CCSER1: variants seen among roughly 807,000 people sequenced by gnomAD.
CCSER1 encodes the protein serine-rich coiled-coil domain-containing protein 1.
CCSER1 carries 41 observed loss-of-function variants against 82.0 expected under a neutral mutation model. The observed-to-expected ratio is 0.50, with a 90% CI of 0.39 to 0.65. The LOEUF is 0.65. CCSER1 is among the 30% of genes least tolerant of loss of function. CCSER1 has a pLI of 0.00. For synonymous variants in CCSER1, 414 were observed against 383.9 expected, an observed-to-expected ratio of 1.08 and a Z score of -0.92; for missense variants, 1,119 against 1,064.2, an observed-to-expected ratio of 1.05 and a Z score of -0.72.
chr4:90,811,985 T>A (rs979482937), intron 7 of CCSER1, among the ~76,000 whole-genome samples: 57 of 133,044 alleles, frequency 4.3e-4, no homozygotes, highest in African/African-American at 1.7e-3. Flanking sequence ...TATATATATA[T>A]ATATAAACAC....
Position 90,849,889 on chromosome 4 carries a change from A to G in CCSER1, c.2094+34044A>G, listed in dbSNP as rs539317681. Among the ~76,000 whole-genome samples, 5 of 152,190 alleles carry G rather than the reference A, an allele frequency of 3.3e-5. No homozygotes were observed. In the South Asian group the frequency reaches 1.0e-3, roughly 32 times the overall value. On this transcript the variant is annotated intron_variant, in intron 8 of 10. Transcript: ENST00000509176. ...GGAGGTGAATGTTAATCACCAAGAC[A>G]GTGGGGAAAATGTCCCCAGGGCATG...
chr4:90,239,127 T>G (rs1263344215), intron 1 of CCSER1, among the ~76,000 whole-genome samples: 1 of 152,138 alleles, frequency 6.6e-6, no homozygotes, highest in African/African-American at 2.4e-5. Context: ...TTGGGACAGG[T>G]GTGAGCCACC....
At chr4:91,501,570 C>T (rs1351131142) in intron 10 of CCSER1, among the ~76,000 whole-genome samples, 2 of 151,932 alleles carry the variant, frequency 1.3e-5, no homozygotes, top group Non-Finnish European at 1.5e-5. Context: ...TTCACTTATT[C>T]CTTATGTTTA....
intron 9 of CCSER1, among the ~76,000 whole-genome samples, chr4:91,056,827 A>C (rs1743492918): frequency 6.6e-6 from 1 of 152,138 alleles, no homozygotes; most frequent in Admixed American, 6.5e-5. Flanking sequence ...ATTTCTTCCA[A>C]GCCTGTGTCT....
chr4:90,703,423 G>C (rs1426797163), intron 6 of CCSER1, among the ~76,000 whole-genome samples: 1 of 152,188 alleles, frequency 6.6e-6, no homozygotes, highest in African/African-American at 2.4e-5. Flanking sequence ...TAAGTGCAGT[G>C]TGTGGCTGAG....
intron 10 of CCSER1, among the ~76,000 whole-genome samples, chr4:91,426,405 CA>C (rs1245538504): frequency 6.6e-6 from 1 of 151,980 alleles, no homozygotes; most frequent in East Asian, 1.9e-4. Flanking sequence ...ATACACCCAG[CA>C]ATGGGATTGC....
chr4:90,356,496 G>T (rs1238035907), intron 3 of CCSER1, among the ~76,000 whole-genome samples: 1 of 151,604 alleles, frequency 6.6e-6, no homozygotes, highest in African/African-American at 2.4e-5. Context: ...ATGAGACTAT[G>T]TTAAACATTT....
At chr4:90,486,677 G>A (rs1173508001) in intron 5 of CCSER1, among the ~76,000 whole-genome samples, 1 of 152,126 alleles carries the variant, frequency 6.6e-6, no homozygotes, top group South Asian at 2.1e-4. Context: ...AGTCAGCCAA[G>A]GGCTTCCAAG....
At chr4:90,767,842 A>AT (rs138323496) in intron 7 of CCSER1, among the ~76,000 whole-genome samples, 8,605 of 151,652 alleles carry the variant, frequency 0.057, 351 homozygotes, top group Admixed American at 0.11. Flanking sequence ...TTATTTTTGT[A>AT]TTTTTTTGCC....
chr4:90,818,902 A>G (rs1160561036), intron 8 of CCSER1, among the ~76,000 whole-genome samples: 1 of 152,230 alleles, frequency 6.6e-6, no homozygotes, highest in Admixed American at 6.5e-5. Context: ...CTCCAGCACA[A>G]GAGATGCACC....
rs2870248 is a variant in CCSER1 at position 90,417,026 on chromosome 4, C to T, written c.1603+16897C>T. ...GAACACGTGGACACACGCAGGGGAA[C>T]ATCACACACCAGGGCCTGTCAGTGG... On this transcript the variant is annotated intron_variant, in intron 4 of 10. Transcript: ENST00000509176. Among the ~76,000 whole-genome samples the T allele has an allele frequency of 2.4e-3, 370 of 152,216 alleles. 1 individual carries two copies. Among genetic ancestry groups the T allele is most frequent in the Non-Finnish European group, 3.7e-3 (252 of 68,016 alleles).
intron 7 of CCSER1, among the ~76,000 whole-genome samples, chr4:90,725,242 T>A (rs1580164658): frequency 2.6e-5 from 4 of 151,796 alleles, no homozygotes; most frequent in Admixed American, 2.6e-4. Context: ...CCAGAAACCA[T>A]TTTTTCTTTT....
intron 10 of CCSER1, among the ~76,000 whole-genome samples, chr4:91,380,450 A>C (rs1750794523): frequency 6.6e-6 from 1 of 152,172 alleles, no homozygotes; most frequent in Non-Finnish European, 1.5e-5. Flanking sequence ...GTGCATATAT[A>C]TTTAGGATAG....
At position 90,529,928 on chromosome 4, in the gene CCSER1, T is replaced by C. The variant is rs929264019; in HGVS notation, c.1724+61574T>C. Reference sequence around the variant, plus strand: ...ACCTCATAGATCCTTTAGCAGCATATTAAATAGAATATATATATATATATT... The same window carrying C: ...ACCTCATAGATCCTTTAGCAGCATACTAAATAGAATATATATATATATATT... On this transcript the variant is annotated intron_variant, in intron 5 of 10. Transcript: ENST00000509176. Among the ~76,000 whole-genome samples, 10 of 142,446 alleles carry C rather than the reference T, an allele frequency of 7.0e-5. No homozygotes were observed. In the East Asian group the frequency reaches 1.9e-3, roughly 26 times the overall value. 93.5% of individuals were successfully genotyped at this position (142,446 alleles called of 152,430 possible).
intron 7 of CCSER1, among the ~76,000 whole-genome samples, chr4:90,783,093 C>T (rs986934673): frequency 6.6e-6 from 1 of 152,102 alleles, no homozygotes; most frequent in African/African-American, 2.4e-5. Context: ...GGGCATAGGC[C>T]ACCATGCCTG....
Position 91,537,437 on chromosome 4 carries a change from T to C in CCSER1, c.2218-61135T>C, listed in dbSNP as rs1254922963. Among the ~76,000 whole-genome samples the C allele has an allele frequency of 3.9e-5, 6 of 152,056 alleles. No individual in the cohort carries two copies. The East Asian group carries it at 9.6e-4, about 24-fold the overall frequency. The stretch of plus-strand genomic sequence containing the variant: ...TAGACATTAAAATTTTCATGTGAAT[T>C]GAATTCCAGTGATAGTTACAAAAAA... On this transcript the variant is annotated intron_variant, in intron 10 of 10. Transcript: ENST00000509176.
At chr4:91,233,065 A>G (rs1351012023) in intron 10 of CCSER1, among the ~76,000 whole-genome samples, 1 of 151,730 alleles carries the variant, frequency 6.6e-6, no homozygotes, top group Non-Finnish European at 1.5e-5. Context: ...TGGTTACTTT[A>G]TATGCTTCTC....
chr4:90,486,543 C>T (rs1767085130), intron 5 of CCSER1, among the ~76,000 whole-genome samples: 1 of 152,140 alleles, frequency 6.6e-6, no homozygotes, highest in Non-Finnish European at 1.5e-5. Flanking sequence ...AATGCACTTG[C>T]CACAGGTGAT....
chr4:90,811,128 C>T (rs966329322), intron 7 of CCSER1, among the ~76,000 whole-genome samples: 7 of 152,014 alleles, frequency 4.6e-5, no homozygotes, highest in East Asian at 3.9e-4. Context: ...CATGAGCCAC[C>T]GCATCCGGCA....
Sources: allele counts gnomAD v4.1 joint callset (sites outside exome capture counted in the v4.1 genomes callset), GRCh38; gene constraint gnomAD v4.1.1; transcripts MANE v1.5; gene names NCBI Gene and HGNC (gene_info 2026-07-23, HGNC 2026-07-21).